The following RBFOX1 variants were observed in gnomAD, a reference collection of about 807,000 sequenced individuals.
RBFOX1 encodes RNA binding fox-1 homolog 1.
Under a neutral mutation model 57.7 loss-of-function variants are expected in RBFOX1, and 8 were observed. The ratio of observed to expected loss-of-function variants is 0.14; its 90% CI spans 0.08 to 0.25. RBFOX1 has a LOEUF of 0.25. Ranked by LOEUF, RBFOX1 falls within the 10% of genes least tolerant of loss-of-function variation. The probability of loss-of-function intolerance (pLI) is 1.00; values close to 1 mark genes in which losing one functional copy is unlikely to be tolerated. For synonymous variants in RBFOX1, 326 were observed against 222.4 expected (o/e 1.47, Z -4.15); for missense variants, 611 against 548.5 (o/e 1.11, Z -1.14).
intron 5 of RBFOX1, among the ~76,000 whole-genome samples, chr16:7,533,652 C>G (rs755756998): frequency 9.2e-5 from 14 of 152,166 alleles, no homozygotes; most frequent in Non-Finnish European, 1.5e-5. Context: ...TGTCAAATAT[C>G]TCATGCACTT....
chr16:5,329,038 A>G (rs1461837773), intron 1 of RBFOX1, among the ~76,000 whole-genome samples: 2 of 152,230 alleles, frequency 1.3e-5, no homozygotes, highest in African/African-American at 4.8e-5. Context: ...AAATGTAGCC[A>G]GGCACCATGC....
chr16:7,420,092 C>T (rs1421154421), intron 4 of RBFOX1, among the ~76,000 whole-genome samples: 2 of 152,052 alleles, frequency 1.3e-5, no homozygotes, highest in South Asian at 4.1e-4. Flanking sequence ...TGTTGTCAGC[C>T]TTCCTGTTCA....
chr16:6,112,121 A>T (rs1392073147), intron 1 of RBFOX1, among the ~76,000 whole-genome samples: 1 of 152,180 alleles, frequency 6.6e-6, no homozygotes, highest in Non-Finnish European at 1.5e-5. Context: ...GGTATATTCC[A>T]GACCAATTAG....
intron 4 of RBFOX1, among the ~76,000 whole-genome samples, chr16:7,148,621 T>G (rs1343647098): frequency 6.6e-6 from 1 of 152,226 alleles, no homozygotes; most frequent in East Asian, 1.9e-4. Context: ...CCCTTTCCCT[T>G]GTACTTGTGA....
intron 4 of RBFOX1, among the ~76,000 whole-genome samples, chr16:7,497,516 T>C (rs1417696321): frequency 1.3e-5 from 2 of 152,198 alleles, no homozygotes; most frequent in African/African-American, 4.8e-5. Context: ...GTATCTCTCT[T>C]TATCCAGATC....
intron 4 of RBFOX1, among the ~76,000 whole-genome samples, chr16:7,393,327 A>C (rs1035164702): frequency 6.6e-6 from 1 of 152,214 alleles, no homozygotes; most frequent in Non-Finnish European, 1.5e-5. Context: ...TTGATTGGCA[A>C]GATGCTCGTC....
intron 4 of RBFOX1, among the ~76,000 whole-genome samples, chr16:7,234,624 A>G (rs2093676878): frequency 6.7e-6 from 1 of 149,026 alleles, no homozygotes; most frequent in Non-Finnish European, 1.5e-5. Flanking sequence ...ATATGTTTGT[A>G]TGTGCTTGTG....
At chr16:6,644,906 C>T (rs76832663) in intron 2 of RBFOX1, among the ~76,000 whole-genome samples, 2,694 of 152,236 alleles carry the variant, frequency 0.018, 74 homozygotes, top group African/African-American at 0.062. Context: ...ACAAAGAGCT[C>T]CTTGATCCTC....
At chr16:6,409,284 C>T (rs779794045) in intron 2 of RBFOX1, among the ~76,000 whole-genome samples, 7 of 151,984 alleles carry the variant, frequency 4.6e-5, no homozygotes, top group Non-Finnish European at 1.0e-4. Context: ...CATGGTGGTG[C>T]GCACCGGTAA....
chr16:5,790,655 C>T lies in RBFOX1; in HGVS notation c.319-76648C>T, dbSNP rs569601874. Among the ~76,000 whole-genome samples the T allele has an allele frequency of 7.9e-5, 12 of 152,194 alleles. No homozygotes were observed. In the South Asian group the frequency reaches 2.5e-3, roughly 32 times the overall value. ...CTTATCCTCCCTAAGCCTCGTCTCCCTCCTGGATGAAGACAACAATACCTA... is the reference window on the plus strand; with the variant it reads ...CTTATCCTCCCTAAGCCTCGTCTCCTTCCTGGATGAAGACAACAATACCTA... On this transcript the variant is annotated intron_variant, in intron 3 of 19. Transcript: ENST00000641259.
intron 3 of RBFOX1, among the ~76,000 whole-genome samples, chr16:6,831,700 CTT>C (rs1270320563): frequency 1.3e-5 from 2 of 152,090 alleles, no homozygotes; most frequent in Non-Finnish European, 2.9e-5. Flanking sequence ...ATTTTTAACT[CTT>C]TGCCCCTTCC....
intron 2 of RBFOX1, among the ~76,000 whole-genome samples, chr16:6,472,500 G>A (rs1318956059): frequency 6.6e-6 from 1 of 152,140 alleles, no homozygotes; most frequent in African/African-American, 2.4e-5. Context: ...TGTTTCCTTT[G>A]GGAGGTGACA....
Position 6,763,706 on chromosome 16 carries a change from T to G in RBFOX1, c.-16+109056T>G, listed in dbSNP as rs918357674. On this transcript the variant is annotated intron_variant, in intron 3 of 15. Transcript: ENST00000550418. ...GGATTTACGTTTTTATTAGAATGTT[T>G]GCCCCTTTTAGCCTGATAGCACGTT... 2.6e-5 allele frequency among the ~76,000 whole-genome samples: 4 copies of G among 152,354 alleles called. No homozygotes were observed. In the South Asian group the frequency reaches 8.3e-4, roughly 32 times the overall value.
chr16:6,719,605 TA>T (rs2065542511), intron 3 of RBFOX1, among the ~76,000 whole-genome samples: 1 of 151,388 alleles, frequency 6.6e-6, no homozygotes. Flanking sequence ...CACGCCCGGC[TA>T]ATTTTTTTTT....
chr16:7,099,112 TAGAATC>T (rs2062204754), intron 4 of RBFOX1, among the ~76,000 whole-genome samples: 1 of 152,164 alleles, frequency 6.6e-6, no homozygotes, highest in Non-Finnish European at 1.5e-5. Flanking sequence ...AAATAGTACT[TAGAATC>T]AGAGATGGCA....
At chr16:6,603,204 G>A (rs183921459) in intron 2 of RBFOX1, among the ~76,000 whole-genome samples, 13 of 152,278 alleles carry the variant, frequency 8.5e-5, no homozygotes, top group South Asian at 4.1e-4. Flanking sequence ...GATTGACCCA[G>A]CTTACTTGTC....
At chr16:5,553,550 C>T (rs1046911304) in intron 2 of RBFOX1, among the ~76,000 whole-genome samples, 2 of 152,022 alleles carry the variant, frequency 1.3e-5, no homozygotes, top group African/African-American at 2.4e-5. Flanking sequence ...CTCCTGACTT[C>T]GTGATCTGCC....
chr16:7,092,484 T>G (rs1345437415), intron 4 of RBFOX1, among the ~76,000 whole-genome samples: 1 of 152,256 alleles, frequency 6.6e-6, no homozygotes, highest in Non-Finnish European at 1.5e-5. Flanking sequence ...CAACAGCCTC[T>G]TTAATACTGT....
intron 3 of RBFOX1, among the ~76,000 whole-genome samples, chr16:6,743,038 C>G (rs2072667904): frequency 6.6e-6 from 1 of 152,124 alleles, no homozygotes; most frequent in Non-Finnish European, 1.5e-5. Flanking sequence ...TTACCAATGT[C>G]ACTAGCAGGA....
Sources: gnomAD v4.1 joint callset for allele counts (sites outside exome capture counted in the v4.1 genomes callset) on GRCh38, gnomAD v4.1.1 for gene constraint, MANE v1.5 for transcripts, NCBI Gene and HGNC (gene_info 2026-07-23, HGNC 2026-07-21) for gene names.